The following CLASRP variants were observed in gnomAD, a reference collection of about 807,000 sequenced individuals.
The protein encoded by CLASRP is CLK4 associating serine/arginine rich protein, also known as CLK4-associating serine/arginine rich protein.
Under a neutral mutation model 99.9 loss-of-function variants are expected in CLASRP, and 52 were observed. That is an observed-to-expected ratio of 0.52 (90% CI 0.42 to 0.66). CLASRP has a LOEUF of 0.66. Ranked by LOEUF, CLASRP falls within the 30% of genes least tolerant of loss-of-function variation. The pLI, the probability that CLASRP is intolerant of heterozygous loss-of-function variation, is 0.00. For synonymous variants in CLASRP, 379 were observed against 373.0 expected (o/e 1.02, Z -0.18); for missense variants, 848 against 999.2 (o/e 0.85, Z 2.04).
rs1967115474 is a variant in CLASRP, at chr19:45,067,475, CAGCCCCAGCCAG to C, written c.1553_1564del (p.Pro518_Ser521del). ...TGACTCGCAGCCGCAGCCATAGCCC[CAGCCCCAGCCAG>C]AGCCGCAGCCGCAGCCGCAGCCGCA... On this transcript the variant is annotated inframe_deletion, in exon 14 of 21. Coordinates refer to ENST00000221455, the MANE Select transcript of CLASRP (RefSeq NM_007056.3). This position sits in a 1 kb window ranked among gnomAD's most constrained non-coding sequence, Gnocchi z 4.9. The C allele has an allele frequency of 1.8e-5, 28 of 1,563,042 alleles. No individual in the cohort carries two copies. The highest frequency in any genetic ancestry group is 2.3e-5 in the Non-Finnish European group (27 of 1,159,328).
Position 45,054,144 on chromosome 19 carries a change from G to A in CLASRP, c.379+967G>A, listed in dbSNP as rs180838679. 3.7e-3 allele frequency among the ~76,000 whole-genome samples: 566 copies of A among 152,330 alleles called. 2 individuals carry two copies. Among genetic ancestry groups the A allele is most frequent in the African/African-American group, 0.013 (538 of 41,580 alleles). On this transcript the variant is annotated intron_variant, in intron 5 of 20. Transcript: ENST00000221455. ...CTCAGGGAAACTTCTCGCTGCTCTG[G>A]GCTTGCCCAGGGAGGTTTGGATCCC...
Position 45,057,891 on chromosome 19 carries a change from C to T in CLASRP, c.606C>T (p.Pro202=), listed in dbSNP as rs774598337. The change falls in exon 7 of 21, where the codon CCC becomes CCT. Residue 202 remains proline (P), a synonymous_variant. Coordinates refer to ENST00000221455, the MANE Select transcript of CLASRP (RefSeq NM_007056.3). ...ACTCGGACGAAGATGAGGTCATCCC[C>T]GACATCGGTGGGGTCCCCTCTCTGC... The part of the protein sequence containing the change: ...ESNSDEDEVI[P]DIDVEVDVDE... 40 of 1,613,644 alleles carry T rather than the reference C, an allele frequency of 2.5e-5. No homozygotes were observed. The highest frequency in any genetic ancestry group is 3.1e-5 in the Non-Finnish European group (36 of 1,179,918).
chr19:45,048,314 A>C (rs1014737510), intron 2 of CLASRP, among the ~76,000 whole-genome samples: 1 of 149,792 alleles, frequency 6.7e-6, no homozygotes, highest in African/African-American at 2.5e-5. Context: ...AGGCGGGTGG[A>C]TCACGAGGTC....
intron 2 of CLASRP, among the ~76,000 whole-genome samples, chr19:45,044,016 A>G (rs34815370): frequency 0.54 from 82,063 of 151,864 alleles, 22,487 homozygotes; most frequent in African/African-American, 0.62. Context: ...CAAGCAGCTG[A>G]GACTATAGGT....
intron 2 of CLASRP, among the ~76,000 whole-genome samples, chr19:45,047,271 C>T (rs562005237): frequency 2.6e-5 from 4 of 151,886 alleles, no homozygotes; most frequent in South Asian, 2.1e-4. Context: ...ATAAGCCAGT[C>T]GCAAAAAGAC....
chr19:45,043,144 T>C (rs1568410317), intron 2 of CLASRP, among the ~76,000 whole-genome samples: 1 of 151,436 alleles, frequency 6.6e-6, no homozygotes, highest in Non-Finnish European at 1.5e-5. Context: ...TTCCAAAATC[T>C]GAAAAAATCT....
At position 45,067,605 on chromosome 19, in the gene CLASRP, CG is replaced by C; in HGVS notation, c.1667+14del. On this transcript the variant is annotated intron_variant, in intron 14 of 20. Coordinates refer to ENST00000221455, the MANE Select transcript of CLASRP (RefSeq NM_007056.3). This position sits in a 1 kb window ranked among gnomAD's most constrained non-coding sequence, Gnocchi z 4.9. ...CGAGAAGCTGAAAAAGTGAGCGGGGCGGGTCTGGAGGAAGAGGGCTGCCAAT... is the reference window on the plus strand; with the variant it reads ...CGAGAAGCTGAAAAAGTGAGCGGGGCGGTCTGGAGGAAGAGGGCTGCCAAT... 2 of 1,582,076 alleles carry C rather than the reference CG, an allele frequency of 1.3e-6. No homozygotes were observed. Among genetic ancestry groups the C allele is most frequent in the Admixed American group, 1.8e-5 (1 of 57,090 alleles).
rs141457022 is a variant in CLASRP at position 45,057,864 on chromosome 19, C to T, written c.579C>T (p.Ser193=). ...EEEESAAEEE[S]NSDEDEVIPD... is the part of the protein sequence containing the mutation. Reference sequence around the variant, plus strand: ...AGGAGTCAGCGGCCGAGGAGGAGAGCAACTCGGACGAAGATGAGGTCATCC... The same window carrying T: ...AGGAGTCAGCGGCCGAGGAGGAGAGTAACTCGGACGAAGATGAGGTCATCC... The change falls in exon 7 of 21, where the codon AGC becomes AGT. Residue 193 remains serine (S), a synonymous_variant. Transcript: ENST00000221455. 3.1e-6 allele frequency: 5 copies of T among 1,613,890 alleles called. No homozygotes were observed. The highest frequency in any genetic ancestry group is 4.2e-6 in the Non-Finnish European group (5 of 1,179,954).
At chr19:45,048,274 T>C (rs946050192) in intron 2 of CLASRP, among the ~76,000 whole-genome samples, 6 of 150,520 alleles carry the variant, frequency 4.0e-5, no homozygotes, top group African/African-American at 1.5e-4. Flanking sequence ...TGGTGGCTCA[T>C]GCCTGTAATC....
Position 45,069,188 on chromosome 19 carries a change from C to T in CLASRP, c.1828-14C>T, listed in dbSNP as rs756515698. On this transcript the variant is annotated splice_polypyrimidine_tract_variant and intron_variant, in intron 17 of 20. Coordinates refer to ENST00000221455, the MANE Select transcript of CLASRP (RefSeq NM_007056.3). ...GCTGGCCTGGCCACGTCCTCATAGC[C>T]CTGTCTGCTGCAGGAGCGGGAAGAC... 41 of 1,613,958 alleles carry T rather than the reference C, an allele frequency of 2.5e-5. 1 individual carries two copies. In the South Asian group the frequency reaches 4.3e-4, roughly 17 times the overall value.
At position 45,070,744 on chromosome 19, in the gene CLASRP, C is replaced by T. The variant is rs183237854; in HGVS notation, c.1983-59C>T. 252 of 1,456,020 alleles carry T rather than the reference C, an allele frequency of 1.7e-4. No homozygotes were observed. In the African/African-American group the frequency reaches 3.2e-3, roughly 18 times the overall value. The allele number at this position is 1,456,020 out of a possible 1,614,324, so 90.2% of individuals were successfully genotyped here. The stretch of plus-strand genomic sequence containing the variant: ...CCCCGATCACTGAAGCATCCACGGC[C>T]CCAGGTGTGTTGATGTGTGTATGCC... On this transcript the variant is annotated intron_variant, in intron 20 of 20. Transcript: ENST00000221455.
At chr19:45,046,984 G>C (rs146852078) in intron 2 of CLASRP, among the ~76,000 whole-genome samples, 3 of 152,180 alleles carry the variant, frequency 2.0e-5, no homozygotes, top group African/African-American at 7.2e-5. Flanking sequence ...CCTAGATCAC[G>C]CCATTGCAGC....
At position 45,064,467 on chromosome 19, in the gene CLASRP, C is replaced by A. The variant is rs772935482; in HGVS notation, c.1246C>A (p.Arg416Ser). The A allele has an allele frequency of 1.3e-6, 2 of 1,530,350 alleles. No homozygotes were observed. Among genetic ancestry groups the A allele is most frequent in the African/African-American group, 1.4e-5 (1 of 72,772 alleles). 94.8% of individuals were successfully genotyped at this position (1,530,350 alleles called of 1,614,324 possible). The change falls in exon 13 of 21, where the codon CGC becomes AGC. Residue 416 changes from arginine (R) to serine (S), a missense_variant. By Grantham distance (110) the Arg-to-Ser change is moderately radical. Transcript: ENST00000221455. Reference protein sequence around the residue: ...GGYYRSGRHARSRSRSWSRSR... With the variant: ...GGYYRSGRHASSRSRSWSRSR... Reference sequence around the variant, plus strand: ...CTACTACCGTTCCGGCCGCCACGCCCGCTCCCGGTCCCGCTCCTGGTCCCG... The same window carrying A: ...CTACTACCGTTCCGGCCGCCACGCCAGCTCCCGGTCCCGCTCCTGGTCCCG...
intron 11 of CLASRP, among the ~76,000 whole-genome samples, chr19:45,063,727 G>A (rs1406158229): frequency 6.6e-6 from 1 of 152,076 alleles, no homozygotes; most frequent in African/African-American, 2.4e-5. Flanking sequence ...TGGGATTACA[G>A]GTGTGAGCCA....
Position 45,064,078 on chromosome 19 carries a change from GA to G in CLASRP, c.974del (p.Lys325ArgfsTer184), listed in dbSNP as rs763017685. 3 of 1,609,340 alleles carry G rather than the reference GA, an allele frequency of 1.9e-6. No homozygotes were observed. Among genetic ancestry groups the G allele is most frequent in the Non-Finnish European group, 1.7e-6 (2 of 1,178,512 alleles). On this transcript the variant is annotated frameshift_variant, in exon 12 of 21. Transcript: ENST00000221455. LOFTEE classifies it high-confidence loss of function. ...SRSPTPGREE[K>X]ITFITSFGGS... ...GCTCCCCGACCCCGGGCCGCGAGGA[GA>G]AGATCACGTTCATCACCAGTTTTGG...
At chr19:45,068,517 CTT>C in intron 16 of CLASRP, 37 bp downstream of exon 16, 3 of 1,506,206 alleles carry the variant, frequency 2.0e-6, no homozygotes, top group East Asian at 2.3e-5. Context: ...TTTCACAGCT[CTT>C]CTTTCCCTTG....
intron 2 of CLASRP, 87 bp downstream of exon 2, chr19:45,040,398 A>T: frequency 1.2e-6 from 1 of 858,744 alleles, no homozygotes; most frequent in African/African-American, 1.7e-5. Flanking sequence ...GCTTGGAAGT[A>T]TGTCAAGACA....
chr19:45,064,581 T>TCCCGCTCGCCCG lies in CLASRP; in HGVS notation c.1365_1376dup (p.Ser456_Arg459dup). The TCCCGCTCGCCCG allele has an allele frequency of 6.5e-7, 1 of 1,542,946 alleles. No homozygotes were observed. The highest frequency in any genetic ancestry group is 1.2e-5 in the South Asian group (1 of 84,340). ...GGGCTCCCGAGACGGACACCGGTAC[T>TCCCGCTCGCCCG]CCCGCTCGCCCGCCCGGCGTGGTGG... On this transcript the variant is annotated inframe_insertion, in exon 13 of 21. Transcript: ENST00000221455.
At position 45,043,195 on chromosome 19, in the gene CLASRP, T is replaced by TTGTGTGTGTGTG. The variant is rs58669276; in HGVS notation, c.99+2914_99+2925dup. Among the ~76,000 whole-genome samples, 285 of 134,746 alleles carry TTGTGTGTGTGTG rather than the reference T, an allele frequency of 2.1e-3. 2 individuals are homozygous for TTGTGTGTGTGTG. The highest frequency in any genetic ancestry group is 0.011 in the Middle Eastern group (3 of 274). 88.4% of individuals were successfully genotyped at this position (134,746 alleles called of 152,430 possible). A position where few individuals can be genotyped will look rare whatever the true frequency, so the allele number is the denominator to read the frequency against. On this transcript the variant is annotated intron_variant, in intron 2 of 20. Transcript: ENST00000221455. Reference sequence around the variant, plus strand: ...CCAAGCACTTCAGATAAGGAATACTTTGTGTGTGTGTGTGTGTGTGTGTGT... The same window carrying TTGTGTGTGTGTG: ...CCAAGCACTTCAGATAAGGAATACTTTGTGTGTGTGTGTGTGTGTGTGTGTGTGTGTGTGTGT...
Sources: allele counts gnomAD v4.1 joint callset (sites outside exome capture counted in the v4.1 genomes callset), GRCh38; gene constraint gnomAD v4.1.1; non-coding constraint Gnocchi (gnomAD v3.1); transcripts MANE v1.5; gene names NCBI Gene and HGNC (gene_info 2026-07-23, HGNC 2026-07-21).